The following ALK variants were observed in gnomAD, a reference collection of about 807,000 sequenced individuals.
The protein encoded by ALK is ALK tyrosine kinase receptor.
ALK carries 74 observed loss-of-function variants against 163.1 expected under a neutral mutation model. The observed-to-expected ratio is 0.45, with a 90% CI of 0.38 to 0.55. The LOEUF (loss-of-function observed/expected upper bound fraction) is 0.55, where lower values mean the gene tolerates loss of function less well. Ranked by LOEUF, ALK falls within the 20% of genes least tolerant of loss-of-function variation. The pLI, the probability that ALK is intolerant of heterozygous loss-of-function variation, is 0.00. For missense variants in ALK, 2,063 were observed against 2,105.3 expected, an observed-to-expected ratio of 0.98 and a Z score of 0.39; for synonymous variants, 960 against 843.2, an observed-to-expected ratio of 1.14 and a Z score of -2.40.
chr2:29,245,667 G>A (rs1664649742), intron 12 of ALK, among the ~76,000 whole-genome samples: 1 of 141,200 alleles, frequency 7.1e-6, no homozygotes, highest in Non-Finnish European at 1.5e-5. Flanking sequence ...CCATGGCTCA[G>A]TGCCCTGCAC....
At chr2:29,788,033 CA>C (rs202020233) in intron 1 of ALK, among the ~76,000 whole-genome samples, 9 of 151,680 alleles carry the variant, frequency 5.9e-5, no homozygotes, top group Non-Finnish European at 1.0e-4. Flanking sequence ...TGTATAAAGG[CA>C]AAAAAAAGTT....
chr2:29,645,708 A>T (rs1275908261), intron 3 of ALK, among the ~76,000 whole-genome samples: 1 of 151,890 alleles, frequency 6.6e-6, no homozygotes, highest in Non-Finnish European at 1.5e-5. Context: ...CCAGTGGTCA[A>T]CCCTCAGCCC....
At chr2:29,686,150 G>A (rs543204171) in intron 3 of ALK, among the ~76,000 whole-genome samples, 1 of 152,186 alleles carries the variant, frequency 6.6e-6, no homozygotes, top group Non-Finnish European at 1.5e-5. Flanking sequence ...TTGGGGGCTG[G>A]AGGAAGCATT....
chr2:29,883,757 G>A (rs1211667014), intron 1 of ALK, among the ~76,000 whole-genome samples: 1 of 152,042 alleles, frequency 6.6e-6, no homozygotes, highest in East Asian at 1.9e-4. Context: ...GACCGCACGG[G>A]TCCACTTACA....
At chr2:29,558,215 G>A (rs1357626987) in intron 3 of ALK, among the ~76,000 whole-genome samples, 2 of 152,164 alleles carry the variant, frequency 1.3e-5, no homozygotes, top group African/African-American at 4.8e-5. Context: ...TATAACACTT[G>A]AGATTACTCA....
intron 3 of ALK, among the ~76,000 whole-genome samples, chr2:29,590,336 G>A (rs990573353): frequency 7.2e-5 from 11 of 151,918 alleles, no homozygotes; most frequent in African/African-American, 1.7e-4. Context: ...ATGGTTCCGC[G>A]GCTTGTTTTC....
At chr2:29,694,259 G>T (rs1349312991) in intron 3 of ALK, among the ~76,000 whole-genome samples, 1 of 152,144 alleles carries the variant, frequency 6.6e-6, no homozygotes, top group Non-Finnish European at 1.5e-5. Flanking sequence ...TTCACAAACA[G>T]CTCAAGACCA....
intron 3 of ALK, among the ~76,000 whole-genome samples, chr2:29,619,383 T>C (rs1249712846): frequency 6.6e-6 from 1 of 152,222 alleles, no homozygotes; most frequent in Non-Finnish European, 1.5e-5. Context: ...GTACTCAAGT[T>C]TCTCCAGTGT....
intron 3 of ALK, chr2:29,681,026 A>C (rs1367201036): frequency 6.6e-6 from 1 of 152,162 alleles, no homozygotes; most frequent in East Asian, 1.9e-4. Context: ...TTTAATAAAA[A>C]AGAGATGGGG....
rs146573817 is a variant in ALK, at chr2:29,834,560, T to C, written c.667+85433A>G. On this transcript the variant is annotated intron_variant, in intron 1 of 28. Coordinates refer to ENST00000389048, the MANE Select transcript of ALK (RefSeq NM_004304.5). ...GTGAAGTTTGCTTAGACATCAGCTATAATGCCAATATAATAGACATTTTAT... is the reference window on the plus strand; with the variant it reads ...GTGAAGTTTGCTTAGACATCAGCTACAATGCCAATATAATAGACATTTTAT... Among the ~76,000 whole-genome samples the C allele has an allele frequency of 4.8e-3, 729 of 152,292 alleles. 7 individuals carry two copies. The highest frequency in any genetic ancestry group is 0.015 in the African/African-American group (607 of 41,556).
intron 1 of ALK, among the ~76,000 whole-genome samples, chr2:29,906,943 T>C (rs892179375): frequency 8.7e-6 from 1 of 115,192 alleles, no homozygotes; most frequent in East Asian, 2.3e-4. Flanking sequence ...TAAGGTTTTT[T>C]TTTTTTTTTT....
chr2:29,231,618 T>C (rs571177930), intron 15 of ALK, among the ~76,000 whole-genome samples: 28 of 152,204 alleles, frequency 1.8e-4, no homozygotes, highest in Non-Finnish European at 3.4e-4. Context: ...CGTCTCTCAA[T>C]TGAGAGACAG....
intron 1 of ALK, among the ~76,000 whole-genome samples, chr2:29,880,441 G>C (rs1366650608): frequency 6.6e-6 from 1 of 152,124 alleles, no homozygotes; most frequent in Non-Finnish European, 1.5e-5. Flanking sequence ...AAATGTTGGG[G>C]GGTCACAGAT....
chr2:29,215,961 C>T (rs557367019), intron 23 of ALK, among the ~76,000 whole-genome samples: 27 of 152,260 alleles, frequency 1.8e-4, no homozygotes, highest in African/African-American at 6.5e-4. Flanking sequence ...CATCAGGGGA[C>T]CCGAGGTATT....
chr2:29,221,120 G>C (rs774516569), intron 22 of ALK: 18 of 582,708 alleles, frequency 3.1e-5, no homozygotes, highest in Non-Finnish European at 4.7e-5. Flanking sequence ...GTCTCAGGGG[G>C]CAGGAGAGTG....
chr2:29,247,111 G>A (rs1270378332), intron 12 of ALK, among the ~76,000 whole-genome samples: 4 of 151,988 alleles, frequency 2.6e-5, no homozygotes, highest in Non-Finnish European at 2.9e-5. Flanking sequence ...TGAGTGCAGC[G>A]CCTTTCCCCC....
chr2:29,209,563 AG>A, intron 25 of ALK, among the ~76,000 whole-genome samples: 3 of 145,844 alleles, frequency 2.1e-5, no homozygotes, highest in Non-Finnish European at 3.0e-5. Flanking sequence ...AAAAAAAAAA[AG>A]CTTGGTGTCA....
intron 5 of ALK, among the ~76,000 whole-genome samples, chr2:29,353,877 A>G (rs1668177699): frequency 1.3e-5 from 2 of 152,238 alleles, no homozygotes; most frequent in South Asian, 4.1e-4. Flanking sequence ...GACATCCCAT[A>G]AGGAAAACCT....
intron 2 of ALK, among the ~76,000 whole-genome samples, chr2:29,706,004 C>T (rs933874475): frequency 2.6e-5 from 4 of 152,192 alleles, no homozygotes; most frequent in East Asian, 1.9e-4. Context: ...ATTTCCTTTG[C>T]GATGGCTGAT....
Sources: gnomAD v4.1 joint callset for allele counts (sites outside exome capture counted in the v4.1 genomes callset) on GRCh38, gnomAD v4.1.1 for gene constraint, MANE v1.5 for transcripts, NCBI Gene and HGNC (gene_info 2026-07-23, HGNC 2026-07-21) for gene names.